The following BCL11B variants were observed in gnomAD, a reference collection of about 807,000 sequenced individuals.
BCL11B encodes the protein B-cell lymphoma/leukemia 11B.
BCL11B carries 8 observed loss-of-function variants against 49.9 expected under a neutral mutation model. That is an observed-to-expected ratio of 0.16 (90% CI 0.09 to 0.29). BCL11B has a LOEUF of 0.29. BCL11B is among the 10% of genes least tolerant of loss of function. The pLI is 1.00. For synonymous variants in BCL11B, 739 were observed against 637.4 expected, an observed-to-expected ratio of 1.16 and a Z score of -2.40; for missense variants, 1,006 against 1,351.0, an observed-to-expected ratio of 0.74 and a Z score of 4.00.
At chr14:99,204,376 C>A (rs1164580792) in intron 3 of BCL11B, among the ~76,000 whole-genome samples, 1 of 152,216 alleles carries the variant, frequency 6.6e-6, no homozygotes, top group Non-Finnish European at 1.5e-5. Flanking sequence ...CCGCACCCCA[C>A]TGGCCTGTCC....
chr14:99,245,872 C>T (rs1021080074), intron 2 of BCL11B, among the ~76,000 whole-genome samples: 2 of 151,880 alleles, frequency 1.3e-5, no homozygotes, highest in African/African-American at 4.8e-5. Flanking sequence ...CCATCTCCGC[C>T]GGCTGCCAGG....
At chr14:99,223,019 G>A (rs781576621) in intron 3 of BCL11B, among the ~76,000 whole-genome samples, 8 of 152,080 alleles carry the variant, frequency 5.3e-5, no homozygotes, top group Middle Eastern at 3.2e-3. Context: ...AAGTATGCAC[G>A]GTCACTTGAG....
At chr14:99,197,621 GTTC>G (rs1887215211) in intron 3 of BCL11B, among the ~76,000 whole-genome samples, 1 of 152,100 alleles carries the variant, frequency 6.6e-6, no homozygotes, top group South Asian at 2.1e-4. Flanking sequence ...ATCTAATAAG[GTTC>G]TTCTGACAAC....
rs3994992 is a variant in BCL11B, at chr14:99,213,170, C to T, written c.640+18175G>A. ...TTTTCAGCTGGGCAGGAATCATTTG[C>T]AAGAATCAGATGCTGAGACCATGCC... On this transcript the variant is annotated intron_variant, in intron 3 of 3. Transcript: ENST00000357195. The surrounding 1 kb of genome is among the most constrained non-coding windows in gnomAD (Gnocchi z 5.1). Among the ~76,000 whole-genome samples, 48,326 of 152,042 alleles carry T rather than the reference C, an allele frequency of 0.32. 9,204 individuals carry two copies. The highest frequency in any genetic ancestry group is 0.44 in the Non-Finnish European group (29,677 of 67,924).
intron 2 of BCL11B, among the ~76,000 whole-genome samples, chr14:99,246,697 C>A (rs1414280484): frequency 2.8e-5 from 4 of 143,596 alleles, no homozygotes; most frequent in African/African-American, 1.0e-4. Context: ...GGACCCCAAC[C>A]ATTGAGCCCT....
At chr14:99,270,878 A>T (rs1157916147) in intron 1 of BCL11B, among the ~76,000 whole-genome samples, 1 of 126,326 alleles carries the variant, frequency 7.9e-6, no homozygotes, top group Non-Finnish European at 1.7e-5. Flanking sequence ...ACACACACAC[A>T]CTCCTCCAGC....
At position 99,271,802 on chromosome 14, in the gene BCL11B, G is replaced by A. The variant is rs1293475949; in HGVS notation, c.-584C>T. 1.3e-5 allele frequency among the ~76,000 whole-genome samples: 2 copies of A among 152,120 alleles called. No individual in the cohort carries two copies. The highest frequency in any genetic ancestry group is 3.9e-4 in the East Asian group (2 of 5,180). On this transcript the variant is annotated 5_prime_UTR_variant, in exon 1 of 4. Coordinates refer to ENST00000357195, the MANE Select transcript of BCL11B (RefSeq NM_138576.4). The stretch of plus-strand genomic sequence containing the variant: ...AAAAAAAAAAGCAAAGAAAACTTGG[G>A]GACTTGTCTCGTACCCCCTCACCCC...
At chr14:99,234,180 A>G (rs961497746) in intron 2 of BCL11B, among the ~76,000 whole-genome samples, 2 of 152,062 alleles carry the variant, frequency 1.3e-5, no homozygotes, top group African/African-American at 4.8e-5. Flanking sequence ...AGGGGTGGCT[A>G]ATGGGCACAG....
In BCL11B at chr14:99,175,913, C is replaced by T. The variant is rs1415079871; in HGVS notation, c.923G>A (p.Gly308Asp). The T allele has an allele frequency of 6.9e-7, 1 of 1,448,474 alleles. No individual in the cohort carries two copies. Among genetic ancestry groups the T allele is most frequent in the Non-Finnish European group, 9.1e-7 (1 of 1,102,984 alleles). The allele number at this position is 1,448,474 out of a possible 1,614,324, so 89.7% of individuals were successfully genotyped here. The change falls in exon 4 of 4, where the codon GGC becomes GAC. Residue 308 changes from glycine to aspartate, a missense_variant. Gly to Asp is a moderately conservative substitution (Grantham distance 94). This residue lies in a region of BCL11B where 411 missense variants were observed against 542.2 expected (regional missense o/e 0.76). Transcript: ENST00000357195. Reference sequence around the variant, plus strand: ...GAGAGGCGGCGTGCCCGGCAGGCGGCCCTCGCCGAAGCCCGGGTGGTCCCG... The same window carrying T: ...GAGAGGCGGCGTGCCCGGCAGGCGGTCCTCGCCGAAGCCCGGGTGGTCCCG... ...ILRDHPGFGEGRLPGTPPLFS... is the reference protein window; with the variant it reads ...ILRDHPGFGEDRLPGTPPLFS...
Position 99,231,769 on chromosome 14 carries a change from C to G in BCL11B, c.428-212G>C, listed in dbSNP as rs997765366. Among the ~76,000 whole-genome samples the G allele has an allele frequency of 6.6e-6, 1 of 151,574 alleles. No individual in the cohort carries two copies. The highest frequency in any genetic ancestry group is 1.5e-5 in the Non-Finnish European group (1 of 67,840). ...TGGGCAGGGGGCACTGGGGAGGGCCCGGTTTCCACAGCTGCCAGGCTGGGC... is the reference window on the plus strand; with the variant it reads ...TGGGCAGGGGGCACTGGGGAGGGCCGGGTTTCCACAGCTGCCAGGCTGGGC... On this transcript the variant is annotated intron_variant, in intron 2 of 3. Coordinates refer to ENST00000357195, the MANE Select transcript of BCL11B (RefSeq NM_138576.4). This position sits in a 1 kb window ranked among gnomAD's most constrained non-coding sequence, Gnocchi z 8.1.
intron 3 of BCL11B, among the ~76,000 whole-genome samples, chr14:99,220,212 T>A (rs1887967826): frequency 1.3e-5 from 2 of 152,180 alleles, no homozygotes. Flanking sequence ...AAATATAGGA[T>A]TACCCTTTGA....
chr14:99,244,789 T>C (rs1888775645), intron 2 of BCL11B, among the ~76,000 whole-genome samples: 1 of 152,218 alleles, frequency 6.6e-6, no homozygotes, highest in African/African-American at 2.4e-5. Flanking sequence ...AAATCAACTC[T>C]TACTCAAAAC....
At chr14:99,219,021 T>C (rs1174754787) in intron 3 of BCL11B, among the ~76,000 whole-genome samples, 3 of 150,250 alleles carry the variant, frequency 2.0e-5, no homozygotes, top group Non-Finnish European at 4.4e-5. Context: ...AGAAAATACA[T>C]TTCTTTTCTT....
chr14:99,174,146 C>T lies in BCL11B; in HGVS notation c.*5G>A, dbSNP rs773146276. 3.1e-6 allele frequency: 5 copies of T among 1,609,960 alleles called. No homozygotes were observed. The highest frequency in any genetic ancestry group is 4.5e-5 in the East Asian group (2 of 44,772). ...TACAGGTGCGGGGCGCCGGGGCCCG[C>T]GCGCTTAGCTCCTCTCGGCCTGCTC... is the stretch of plus-strand genomic sequence containing the variant. On this transcript the variant is annotated 3_prime_UTR_variant, in exon 4 of 4. Coordinates refer to ENST00000357195, the MANE Select transcript of BCL11B (RefSeq NM_138576.4).
In BCL11B at chr14:99,174,601, G is replaced by C; in HGVS notation, c.2235C>G (p.Ser745=). The C allele has an allele frequency of 1.3e-6, 2 of 1,535,606 alleles. No homozygotes were observed. Among genetic ancestry groups the C allele is most frequent in the Non-Finnish European group, 1.7e-6 (2 of 1,144,570 alleles). ...SPFATSSEHS[S]ENGSLRFSTP... Reference sequence around the variant, plus strand: ...TGGAGAAGCGCAGGCTGCCGTTCTCGGACGAGTGCTCGGACGACGTGGCGA... The same window carrying C: ...TGGAGAAGCGCAGGCTGCCGTTCTCCGACGAGTGCTCGGACGACGTGGCGA... Residue 745 remains serine, a synonymous_variant, in exon 4 of 4, where the codon TCC becomes TCG. Transcript: ENST00000357195.
rs1381232047 is a variant in BCL11B at position 99,248,896 on chromosome 14, A to G, written c.427+8575T>C. Reference sequence around the variant, plus strand: ...ATCTGTCTGCTCAAGGTCACACAGCATGCCAGCCACAGTAGGATGCCATCC... The same window carrying G: ...ATCTGTCTGCTCAAGGTCACACAGCGTGCCAGCCACAGTAGGATGCCATCC... On this transcript the variant is annotated intron_variant, in intron 2 of 3. Transcript: ENST00000357195. This position sits in a 1 kb window ranked among gnomAD's most constrained non-coding sequence, Gnocchi z 4.7. 6.6e-6 allele frequency among the ~76,000 whole-genome samples: 1 copy of G among 152,162 alleles called. No individual in the cohort carries two copies. The highest frequency in any genetic ancestry group is 1.5e-5 in the Non-Finnish European group (1 of 68,024).
Position 99,231,959 on chromosome 14 carries a change from C to G in BCL11B, c.428-402G>C, listed in dbSNP as rs930476835. Among the ~76,000 whole-genome samples, 2 of 152,098 alleles carry G rather than the reference C, an allele frequency of 1.3e-5. No individual in the cohort carries two copies. The highest frequency in any genetic ancestry group is 6.5e-5 in the Admixed American group (1 of 15,284). On this transcript the variant is annotated intron_variant, in intron 2 of 3. Transcript: ENST00000357195. This position sits in a 1 kb window ranked among gnomAD's most constrained non-coding sequence, Gnocchi z 8.1. ...TTTCCAAAACTTCGGGCTACCCCTCCCTGGAAGAGCTGGGAAGCTCACAGC... is the reference window on the plus strand; with the variant it reads ...TTTCCAAAACTTCGGGCTACCCCTCGCTGGAAGAGCTGGGAAGCTCACAGC...
rs1886305347 is a variant in BCL11B at position 99,171,980 on chromosome 14, A to G, written c.*2171T>C. On this transcript the variant is annotated 3_prime_UTR_variant, in exon 4 of 4. Transcript: ENST00000357195. ...AATATATACTAAAACCCCGTCACCA[A>G]AAGAAAACAATATACACGCGGCCAC... The G allele has an allele frequency of 4.9e-6, 1 of 205,766 alleles. No homozygotes were observed. Among genetic ancestry groups the G allele is most frequent in the South Asian group, 1.9e-4 (1 of 5,274 alleles). The allele number at this position is 205,766 out of a possible 1,614,324, so 12.7% of individuals were successfully genotyped here. A position where few individuals can be genotyped will look rare whatever the true frequency, so the allele number is the denominator to read the frequency against.
At position 99,194,018 on chromosome 14, in the gene BCL11B, G is replaced by A. The variant is rs1887110799; in HGVS notation, c.641-17823C>T. ...TTGTCAATATGAATGGGGGTACTGG[G>A]GGTTTCAATGGTTTCTGCCAGACAA... On this transcript the variant is annotated intron_variant, in intron 3 of 3. Transcript: ENST00000357195. The surrounding 1 kb of genome is among the most constrained non-coding windows in gnomAD (Gnocchi z 4.6). 6.6e-6 allele frequency among the ~76,000 whole-genome samples: 1 copy of A among 152,154 alleles called. No individual in the cohort carries two copies. Among genetic ancestry groups the A allele is most frequent in the East Asian group, 1.9e-4 (1 of 5,194 alleles).
Sources: gnomAD v4.1 joint callset for allele counts (sites outside exome capture counted in the v4.1 genomes callset) on GRCh38, gnomAD v4.1.1 for gene constraint, gnomAD v4.1.1 regional missense constraint, Gnocchi (gnomAD v3.1) non-coding constraint, MANE v1.5 for transcripts, NCBI Gene and HGNC (gene_info 2026-07-23, HGNC 2026-07-21) for gene names.